WDR1: variants seen among roughly 807,000 people sequenced by gnomAD.
WDR1 encodes WD repeat-containing protein 1.
Under a neutral mutation model 71.9 loss-of-function variants are expected in WDR1, and 21 were observed. The ratio of observed to expected loss-of-function variants is 0.29; its 90% confidence interval spans 0.21 to 0.42. The LOEUF (loss-of-function observed/expected upper bound fraction) is 0.42. Among genes scored for constraint, WDR1 ranks in the 10% least tolerant of loss-of-function variants. The probability of loss-of-function intolerance (pLI) is 1.00; values close to 1 mark genes in which losing one functional copy is unlikely to be tolerated. For synonymous variants in WDR1, 424 were observed against 347.4 expected, an observed-to-expected ratio of 1.22 and a Z score of -2.45; for missense variants, 696 against 824.5, an observed-to-expected ratio of 0.84 and a Z score of 1.91.
intron 2 of WDR1, among the ~76,000 whole-genome samples, chr4:10,112,865 G>A (rs1713469253): frequency 6.6e-6 from 1 of 152,238 alleles, no homozygotes; most frequent in Non-Finnish European, 1.5e-5. Context: ...AAAGAGAGGG[G>A]AAAGCCCTGC....
intron 2 of WDR1, among the ~76,000 whole-genome samples, chr4:10,107,305 C>G (rs1459122470): frequency 1.3e-5 from 2 of 152,202 alleles, no homozygotes; most frequent in East Asian, 3.8e-4. Context: ...CTTGCCAACT[C>G]CCAACCCATC....
intron 14 of WDR1, chr4:10,075,977 C>T (rs1040957465): frequency 6.9e-5 from 11 of 158,924 alleles, no homozygotes; most frequent in Non-Finnish European, 1.2e-4. Context: ...TGAACAGATT[C>T]GATTCCCCAT....
intron 2 of WDR1, among the ~76,000 whole-genome samples, chr4:10,112,238 A>G (rs576063850): frequency 1.7e-4 from 26 of 152,254 alleles, no homozygotes; most frequent in African/African-American, 6.3e-4. Context: ...GAGGTGATGC[A>G]GGCAGGGTAA....
At chr4:10,087,675 G>C in intron 8 of WDR1, 32 bp downstream of exon 8, 1 of 1,537,694 alleles carries the variant, frequency 6.5e-7, no homozygotes, top group Non-Finnish European at 8.8e-7. Context: ...TGTCCACCCA[G>C]CGGGCAGAGC....
At chr4:10,081,859 C>T (rs906672481) in intron 10 of WDR1, among the ~76,000 whole-genome samples, 1 of 152,200 alleles carries the variant, frequency 6.6e-6, no homozygotes, top group African/African-American at 2.4e-5. Context: ...AATCCGTTAC[C>T]TTTAATGGGT....
At chr4:10,091,026 C>A (rs963721811) in intron 5 of WDR1, among the ~76,000 whole-genome samples, 2 of 152,256 alleles carry the variant, frequency 1.3e-5, no homozygotes, top group Non-Finnish European at 2.9e-5. Flanking sequence ...AGCGATGGGG[C>A]TGGCGAGCCC....
At position 10,079,019 on chromosome 4, in the gene WDR1, A is replaced by T; in HGVS notation, c.1285-18T>A. ...AGGACAATCTGTGGCACACACAGGC[A>T]GCTGGTCAGGCGGTCCAGCCCTTCG... is the stretch of plus-strand genomic sequence containing the variant. On this transcript the variant is annotated intron_variant, in intron 11 of 14. Transcript: ENST00000499869. The T allele has an allele frequency of 6.3e-7, 1 of 1,582,830 alleles. No individual in the cohort carries two copies. Among genetic ancestry groups the T allele is most frequent in the Non-Finnish European group, 8.6e-7 (1 of 1,160,790 alleles).
At chr4:10,084,302 G>A (rs1434119025) in intron 9 of WDR1, 141 bp downstream of exon 9, 1 of 720,106 alleles carries the variant, frequency 1.4e-6, no homozygotes, top group Non-Finnish European at 2.4e-6. Flanking sequence ...GCCACCCCTA[G>A]AAGCCACACG....
chr4:10,103,776 T>TCTC, intron 3 of WDR1, 120 bp downstream of exon 3: 1 of 180,008 alleles, frequency 5.6e-6, no homozygotes, highest in Non-Finnish European at 1.1e-5. Flanking sequence ...CCCAGCCTGC[T>TCTC]CCCCCACCCC....
rs546787899 is a variant in WDR1, at chr4:10,086,430, G to A, written c.951+1277C>T. Among the ~76,000 whole-genome samples the A allele has an allele frequency of 4.6e-5, 7 of 152,356 alleles. No individual in the cohort carries two copies. The East Asian group carries it at 5.8e-4, about 13-fold the overall frequency. ...ACAAAGGAACCGTGACTCTATGCATGAGCGTTGAGGTGACCTGGTCCGTAG... is the reference window on the plus strand; with the variant it reads ...ACAAAGGAACCGTGACTCTATGCATAAGCGTTGAGGTGACCTGGTCCGTAG... On this transcript the variant is annotated intron_variant, in intron 8 of 14. Transcript: ENST00000499869.
intron 2 of WDR1, among the ~76,000 whole-genome samples, chr4:10,104,592 T>C (rs932335234): frequency 6.6e-6 from 1 of 152,142 alleles, no homozygotes; most frequent in East Asian, 1.9e-4. Flanking sequence ...GGGGCCAACA[T>C]TTGAGACTAG....
Position 10,077,939 on chromosome 4 carries a change from C to A in WDR1, c.1396-13G>T, listed in dbSNP as rs763816891. ...GGACGTTGCCGTCCTACGGCAGGGA[C>A]AGAGAGGAAGTGAGCCACCCCTGAA... On this transcript the variant is annotated splice_polypyrimidine_tract_variant and intron_variant, in intron 12 of 14. Coordinates refer to ENST00000499869, the MANE Select transcript of WDR1 (RefSeq NM_017491.5). 1 of 1,593,644 alleles carries A rather than the reference C, an allele frequency of 6.3e-7. No individual in the cohort carries two copies. The highest frequency in any genetic ancestry group is 8.6e-7 in the Non-Finnish European group (1 of 1,168,142).
chr4:10,077,179 C>T, intron 14 of WDR1, 125 bp downstream of exon 14: 17 of 1,298,314 alleles, frequency 1.3e-5, no homozygotes, highest in Non-Finnish European at 1.8e-5. Flanking sequence ...CTCTTCCGGG[C>T]CACCTGTCTA....
intron 1 of WDR1, 168 bp from the exon 2 acceptor site, chr4:10,116,402 G>T: frequency 9.2e-7 from 1 of 1,086,590 alleles, no homozygotes; most frequent in African/African-American, 1.6e-5. Context: ...CCTGGTCCGC[G>T]CCCCGGGCCA....
At chr4:10,113,062 A>G (rs1218957858) in intron 2 of WDR1, among the ~76,000 whole-genome samples, 1 of 152,190 alleles carries the variant, frequency 6.6e-6, no homozygotes, top group Non-Finnish European at 1.5e-5. Context: ...CTAAGTATAA[A>G]CCAAAGGGAA....
intron 2 of WDR1, chr4:10,108,260 AGAGGT>A (rs1713140495): frequency 2.0e-5 from 3 of 152,212 alleles, no homozygotes; most frequent in Admixed American, 2.0e-4. Flanking sequence ...CGGAGGGGCC[AGAGGT>A]CACTACTCCA....
intron 3 of WDR1, 71 bp downstream of exon 3, chr4:10,103,825 A>AGGG: frequency 1.7e-6 from 1 of 591,864 alleles, no homozygotes. Flanking sequence ...CCAGAAGCCC[A>AGGG]GCTTCGCCCT....
intron 3 of WDR1, 114 bp downstream of exon 3, chr4:10,103,767 CCAGCCTGCTCCCCCA>C: frequency 1.8e-6 from 1 of 561,260 alleles, no homozygotes; most frequent in Non-Finnish European, 3.1e-6. Flanking sequence ...CTCACCACCC[CCAGCCTGCTCCCCCA>C]CCCCCCACCT....
At chr4:10,081,140 ACAAC>A (rs1764998677) in intron 11 of WDR1, among the ~76,000 whole-genome samples, 1 of 152,246 alleles carries the variant, frequency 6.6e-6, no homozygotes, top group Non-Finnish European at 1.5e-5. Flanking sequence ...GCGGCCTTGG[ACAAC>A]CAATTTATCC....
Sources: allele counts gnomAD v4.1 joint callset (sites outside exome capture counted in the v4.1 genomes callset), GRCh38; gene constraint gnomAD v4.1.1; transcripts MANE v1.5; gene names NCBI Gene and HGNC (gene_info 2026-07-23, HGNC 2026-07-21).